The following TEX11 variants were observed in gnomAD, a reference collection of about 807,000 sequenced individuals.
TEX11 encodes testis expressed 11.
In TEX11, 7 loss-of-function variants were observed where a neutral mutation model predicts 84.4. The ratio of observed to expected loss-of-function variants is 0.08; its 90% confidence interval spans 0.05 to 0.16. The LOEUF (loss-of-function observed/expected upper bound fraction) is 0.16, where lower values mean the gene tolerates loss of function less well. Ranked by LOEUF, TEX11 falls within the 10% of genes least tolerant of loss-of-function variation. TEX11 has a pLI of 1.00. For missense variants in TEX11, 551 were observed against 660.5 expected (o/e 0.83, Z 1.82); for synonymous variants, 264 against 222.8 (o/e 1.18, Z -1.64).
intron 13 of TEX11, among the ~76,000 whole-genome samples, chrX:70,702,497 G>A (rs994208592): frequency 8.9e-6 from 1 of 112,102 alleles, no homozygotes; most frequent in Non-Finnish European, 1.9e-5. Context: ...AAAAAATTGT[G>A]TGACTCACTT....
chrX:70,540,241 A>G, intron 28 of TEX11, among the ~76,000 whole-genome samples: 1 of 112,514 alleles, frequency 8.9e-6, no homozygotes, highest in East Asian at 2.8e-4. Context: ...ACGATACCTG[A>G]CAAAGATTCT....
chrX:70,650,360 A>G (rs998024860), intron 17 of TEX11, among the ~76,000 whole-genome samples: 2 of 112,005 alleles, frequency 1.8e-5, no homozygotes, highest in Non-Finnish European at 3.8e-5. Flanking sequence ...GGTTGATCTG[A>G]TGTTGTATTT....
rs187803942 is a variant in TEX11 at position 70,818,787 on chromosome X, A to T, written c.607-11997T>A. On this transcript the variant is annotated intron_variant, in intron 8 of 29. Coordinates refer to ENST00000374333, the MANE Select transcript of TEX11 (RefSeq NM_031276.3). Reference sequence around the variant, plus strand: ...CACCTCACCAATCTAGCACACCTGCACACACCCACAGGTGAAGGTTTTTCC... The same window carrying T: ...CACCTCACCAATCTAGCACACCTGCTCACACCCACAGGTGAAGGTTTTTCC... Among the ~76,000 whole-genome samples the T allele has an allele frequency of 1.4e-4, 16 of 111,584 alleles. No homozygotes were observed. The East Asian group carries it at 4.5e-3, about 32-fold the overall frequency.
intron 3 of TEX11, among the ~76,000 whole-genome samples, chrX:70,874,945 C>T (rs183165091): frequency 0.034 from 3,733 of 109,060 alleles, 65 homozygotes; most frequent in Non-Finnish European, 0.051. Flanking sequence ...GAGGCCGAGG[C>T]GGTCGGATTG....
intron 9 of TEX11, among the ~76,000 whole-genome samples, chrX:70,777,238 A>G (rs183590481): frequency 5.3e-4 from 59 of 111,329 alleles, no homozygotes; most frequent in African/African-American, 1.9e-3. Flanking sequence ...AGTTACATTA[A>G]CTTGTTCATT....
chrX:70,701,396 C>A (rs2090324742), intron 13 of TEX11, among the ~76,000 whole-genome samples: 1 of 111,641 alleles, frequency 9.0e-6, no homozygotes, highest in African/African-American at 3.2e-5. Context: ...ATAAATGGAA[C>A]AACAAAGCCT....
intron 7 of TEX11, among the ~76,000 whole-genome samples, chrX:70,842,008 A>C (rs1278511080): frequency 1.8e-5 from 2 of 109,545 alleles, no homozygotes; most frequent in Non-Finnish European, 3.8e-5. Flanking sequence ...CAACCAAAAA[A>C]AGTCCAGGAC....
chrX:70,610,492 G>A lies in TEX11; in HGVS notation c.1792+11C>T. The A allele has an allele frequency of 8.3e-7, 1 of 1,199,519 alleles. No individual in the cohort carries two copies. The highest frequency in any genetic ancestry group is 1.1e-6 in the Non-Finnish European group (1 of 887,418). Reference sequence around the variant, plus strand: ...AGATGAAGGACTGAATATAACCAGGGAGATATTTACCTCTATTCAGGCAAG... The same window carrying A: ...AGATGAAGGACTGAATATAACCAGGAAGATATTTACCTCTATTCAGGCAAG... On this transcript the variant is annotated intron_variant, in intron 21 of 29. Transcript: ENST00000374333.
chrX:70,895,889 T>G (rs1410008676), intron 2 of TEX11, among the ~76,000 whole-genome samples: 1 of 112,267 alleles, frequency 8.9e-6, no homozygotes, highest in African/African-American at 3.2e-5. Context: ...GATTAAAGAC[T>G]TAAATGTAAA....
intron 9 of TEX11, among the ~76,000 whole-genome samples, chrX:70,753,745 G>A (rs781659509): frequency 2.8e-5 from 3 of 105,985 alleles, no homozygotes; most frequent in East Asian, 3.1e-4. Flanking sequence ...CTTGCACTTC[G>A]AATACCAGCT....
At position 70,529,068 on chromosome X, in the gene TEX11, A is replaced by G. The variant is rs1444843493; in HGVS notation, c.*27T>C. ...AACAGTCAGCATCTCGGGACAATGT[A>G]TCTTCTTCATGTGGCCATGAGCTTG... On this transcript the variant is annotated 3_prime_UTR_variant, in exon 30 of 30. Transcript: ENST00000374333. 2 of 1,140,402 alleles carry G rather than the reference A, an allele frequency of 1.8e-6. No homozygotes were observed. Among genetic ancestry groups the G allele is most frequent in the Admixed American group, 2.2e-5 (1 of 44,917 alleles). 94.0% of individuals were successfully genotyped at this position (1,140,402 alleles called of 1,213,427 possible). A position where few individuals can be genotyped will look rare whatever the true frequency, so the allele number is the denominator to read the frequency against.
At chrX:70,811,079 T>C (rs1378969052) in intron 8 of TEX11, among the ~76,000 whole-genome samples, 4 of 111,596 alleles carry the variant, frequency 3.6e-5, no homozygotes, top group Non-Finnish European at 7.5e-5. Flanking sequence ...ACAACGTGCA[T>C]GTTTGCTACA....
chrX:70,547,619 G>A (rs1222351728), intron 28 of TEX11, among the ~76,000 whole-genome samples: 2 of 111,770 alleles, frequency 1.8e-5, no homozygotes, highest in African/African-American at 3.3e-5. Flanking sequence ...GATATGAACA[G>A]ACACTTCTCA....
chrX:70,563,301 C>T (rs1458423436), intron 25 of TEX11, among the ~76,000 whole-genome samples: 4 of 111,709 alleles, frequency 3.6e-5, no homozygotes, highest in Non-Finnish European at 7.5e-5. Flanking sequence ...ATTCACAATC[C>T]ACTACTGGAA....
chrX:70,866,583 G>A (rs1260378268), intron 4 of TEX11, among the ~76,000 whole-genome samples: 1 of 111,169 alleles, frequency 9.0e-6, no homozygotes, highest in Non-Finnish European at 1.9e-5. Flanking sequence ...ACCTGGCAGA[G>A]ACACAACAGA....
Position 70,897,765 on chromosome X carries a change from A to C in TEX11, c.37+9988T>G, listed in dbSNP as rs1027536643. ...GAGACAAGAGTTATTTTATTCAATC[A>C]TTCAATAAAACTTTAATGATAACCA... is the stretch of plus-strand genomic sequence containing the variant. On this transcript the variant is annotated intron_variant, in intron 2 of 29. Coordinates refer to ENST00000374333, the MANE Select transcript of TEX11 (RefSeq NM_031276.3). Among the ~76,000 whole-genome samples, 35 of 111,512 alleles carry C rather than the reference A, an allele frequency of 3.1e-4. 1 individual carries two copies. Among genetic ancestry groups the C allele is most frequent in the African/African-American group, 1.0e-3 (31 of 30,743 alleles).
At chrX:70,548,702 G>A (rs1358141832) in intron 28 of TEX11, among the ~76,000 whole-genome samples, 2 of 111,832 alleles carry the variant, frequency 1.8e-5, no homozygotes, top group South Asian at 3.8e-4. Context: ...GCTCATGGAG[G>A]GAGTATTTAG....
At chrX:70,683,311 C>G (rs1029413744) in intron 13 of TEX11, among the ~76,000 whole-genome samples, 2 of 112,239 alleles carry the variant, frequency 1.8e-5, no homozygotes, top group East Asian at 2.8e-4. Flanking sequence ...CCAAAGTGAT[C>G]TACAGATTTG....
At chrX:70,608,888 A>G (rs1482301122) in intron 22 of TEX11, among the ~76,000 whole-genome samples, 1 of 112,009 alleles carries the variant, frequency 8.9e-6, no homozygotes, top group Non-Finnish European at 1.9e-5. Flanking sequence ...CTACTATGAA[A>G]AAAGTATATA....
Sources: allele counts gnomAD v4.1 joint callset (sites outside exome capture counted in the v4.1 genomes callset), GRCh38; gene constraint gnomAD v4.1.1; transcripts MANE v1.5; gene names NCBI Gene and HGNC (gene_info 2026-07-23, HGNC 2026-07-21).